The following UGT1A6 variants were observed in gnomAD, a reference collection of about 807,000 sequenced individuals.
UGT1A6 encodes UDP glucuronosyltransferase family 1 member A6.
UGT1A6 carries 32 observed loss-of-function variants against 44.4 expected under a neutral mutation model. The ratio of observed to expected loss-of-function variants is 0.72; its 90% confidence interval spans 0.54 to 0.97. The LOEUF (loss-of-function observed/expected upper bound fraction) is 0.97, where lower values mean the gene tolerates loss of function less well. Among genes scored for constraint, UGT1A6 ranks in the 50% least tolerant of loss-of-function variants. The pLI is 0.00. For synonymous variants in UGT1A6, 238 were observed against 248.5 expected (o/e 0.96, Z 0.40); for missense variants, 685 against 661.9 (o/e 1.03, Z -0.38).
At chr2:233,732,243 C>T (rs551987407) in intron 1 of UGT1A6, among the ~76,000 whole-genome samples, 33 of 152,314 alleles carry the variant, frequency 2.2e-4, no homozygotes, top group Non-Finnish European at 4.4e-4. Context: ...TGTAGGTTGC[C>T]TGTTCACTCT....
chr2:233,701,378 C>G (rs1424397664), intron 1 of UGT1A6, among the ~76,000 whole-genome samples: 1 of 152,076 alleles, frequency 6.6e-6, no homozygotes, highest in African/African-American at 2.4e-5. Context: ...GACTTAGACT[C>G]CCACACAATA....
chr2:233,753,691 A>G (rs900061019), intron 1 of UGT1A6: 3 of 152,228 alleles, frequency 2.0e-5, no homozygotes, highest in Admixed American at 6.5e-5. Context: ...ACAATATTAC[A>G]GATGCACTTG....
At chr2:233,743,713 A>C in intron 1 of UGT1A6, 1 of 1,367,332 alleles carries the variant, frequency 7.3e-7, no homozygotes, top group Non-Finnish European at 9.8e-7. Flanking sequence ...CCGCCTCGCC[A>C]TAGCGGTCAT....
intron 1 of UGT1A6, among the ~76,000 whole-genome samples, chr2:233,720,036 T>C (rs2076824550): frequency 6.6e-6 from 1 of 152,194 alleles, no homozygotes; most frequent in Admixed American, 6.5e-5. Context: ...GCTTGCCTGA[T>C]TTTCAGCTGA....
intron 1 of UGT1A6, among the ~76,000 whole-genome samples, chr2:233,700,926 T>C (rs1403667263): frequency 6.6e-6 from 1 of 152,008 alleles, no homozygotes; most frequent in East Asian, 1.9e-4. Context: ...CCTGTGTCTG[T>C]GTGTGATTGT....
chr2:233,767,903 C>T lies in UGT1A6; in HGVS notation c.1048C>T (p.Leu350Phe), dbSNP rs549391527. 1 of 1,614,178 alleles carries T rather than the reference C, an allele frequency of 6.2e-7. No homozygotes were observed. Among genetic ancestry groups the T allele is most frequent in the Admixed American group, 1.7e-5 (1 of 60,018 alleles). Residue 350 changes from leucine to phenylalanine, a missense_variant, in exon 3 of 5, where the codon CTT becomes TTT. Coordinates refer to ENST00000305139, the MANE Select transcript of UGT1A6 (RefSeq NM_001072.4). ...ATCGAATCTTGCGAACAACACGATA[C>T]TTGTTAAGTGGCTACCCCAAAACGA... Reference protein sequence around the residue: ...RPSNLANNTILVKWLPQNDLL... With the variant: ...RPSNLANNTIFVKWLPQNDLL...
intron 1 of UGT1A6, among the ~76,000 whole-genome samples, chr2:233,727,070 C>G (rs1272254879): frequency 6.6e-6 from 1 of 152,126 alleles, no homozygotes; most frequent in Non-Finnish European, 1.5e-5. Context: ...TTTCTGTGTT[C>G]TCTTACAAAC....
chr2:233,751,502 G>T (rs1015716404), intron 1 of UGT1A6, among the ~76,000 whole-genome samples: 2 of 152,208 alleles, frequency 1.3e-5, no homozygotes, highest in South Asian at 2.1e-4. Context: ...AGATTTGGGA[G>T]GGGCCAGAGG....
At chr2:233,770,116 A>G (rs557135570) in intron 4 of UGT1A6, 1 of 152,452 alleles carries the variant, frequency 6.6e-6, no homozygotes, top group Admixed American at 6.5e-5. Flanking sequence ...CCTAAGAACA[A>G]CTTGGTGAAA....
intron 1 of UGT1A6, chr2:233,713,552 T>G (rs917913178): frequency 1.9e-6 from 3 of 1,613,858 alleles, no homozygotes; most frequent in Non-Finnish European, 2.5e-6. Flanking sequence ...GCACACAGTG[T>G]CCAAACCCTT....
chr2:233,757,539 T>TATATACATATACATATATAC (rs762018928), intron 1 of UGT1A6, among the ~76,000 whole-genome samples: 1 of 115,748 alleles, frequency 8.6e-6, no homozygotes, highest in African/African-American at 3.8e-5. Flanking sequence ...GTAAGGAATA[T>TATATACATATACATATATAC]ATATATATAT....
At chr2:233,709,068 C>G (rs1483452630) in intron 1 of UGT1A6, among the ~76,000 whole-genome samples, 3 of 152,116 alleles carry the variant, frequency 2.0e-5, no homozygotes, top group Non-Finnish European at 4.4e-5. Flanking sequence ...AGTTAAAGTT[C>G]TTCTGCCTCA....
At chr2:233,743,408 C>T in intron 1 of UGT1A6, 1 of 1,315,376 alleles carries the variant, frequency 7.6e-7, no homozygotes. Flanking sequence ...GAAAGGCCCC[C>T]ACTTCCCAGG....
intron 1 of UGT1A6, among the ~76,000 whole-genome samples, chr2:233,698,008 G>A (rs556681308): frequency 6.6e-6 from 1 of 152,082 alleles, no homozygotes; most frequent in Non-Finnish European, 1.5e-5. Context: ...TATCATTTCT[G>A]CACATTGGTA....
At chr2:233,763,451 A>G (rs1353654111) in intron 1 of UGT1A6, among the ~76,000 whole-genome samples, 1 of 152,150 alleles carries the variant, frequency 6.6e-6, no homozygotes, top group African/African-American at 2.4e-5. Flanking sequence ...CATTTTGCCT[A>G]TTTGAATCTA....
intron 1 of UGT1A6, among the ~76,000 whole-genome samples, chr2:233,765,933 G>C (rs1285596589): frequency 2.6e-5 from 4 of 152,108 alleles, no homozygotes; most frequent in African/African-American, 9.7e-5. Flanking sequence ...CGGGCAGGTT[G>C]TGGGGCTCTG....
intron 1 of UGT1A6, among the ~76,000 whole-genome samples, chr2:233,695,635 A>T (rs1383639619): frequency 2.6e-5 from 4 of 151,066 alleles, no homozygotes; most frequent in Non-Finnish European, 2.9e-5. Context: ...CATGAGACCC[A>T]CTTTTTTAGC....
At chr2:233,702,880 T>C (rs1399878885) in intron 1 of UGT1A6, among the ~76,000 whole-genome samples, 5 of 152,212 alleles carry the variant, frequency 3.3e-5, no homozygotes, top group Admixed American at 2.6e-4. Context: ...TTGAGGACTT[T>C]TGCATCATAT....
chr2:233,703,443 C>T (rs1040627935), intron 1 of UGT1A6, among the ~76,000 whole-genome samples: 3 of 151,842 alleles, frequency 2.0e-5, no homozygotes, highest in African/African-American at 7.3e-5. Context: ...ATTTCTATGT[C>T]GTTAATTTCC....
Sources: allele counts gnomAD v4.1 joint callset (sites outside exome capture counted in the v4.1 genomes callset), GRCh38; gene constraint gnomAD v4.1.1; transcripts MANE v1.5; gene names NCBI Gene and HGNC (gene_info 2026-07-23, HGNC 2026-07-21).